SCHIP1: variants seen among roughly 807,000 people sequenced by gnomAD.
SCHIP1 encodes schwannomin-interacting protein 1.
Under a neutral mutation model 29.7 loss-of-function variants are expected in SCHIP1, and 8 were observed. The observed-to-expected ratio is 0.27, with a 90% CI of 0.16 to 0.49. The LOEUF is 0.49. SCHIP1 is among the 20% of genes least tolerant of loss of function. The pLI is 0.99. For missense variants in SCHIP1, 193 were observed against 294.6 expected (o/e 0.66, Z 2.52); for synonymous variants, 76 against 94.9 (o/e 0.80, Z 1.16).
chr3:159,720,590 T>C, the SCHIP1 span, among the ~76,000 whole-genome samples: 1 of 152,082 alleles, frequency 6.6e-6, no homozygotes. Flanking sequence ...TTTTTTTTCT[T>C]TTTTCTCTTT....
At chr3:159,789,858 A>T in the SCHIP1 span, among the ~76,000 whole-genome samples, 5 of 152,214 alleles carry the variant, frequency 3.3e-5, no homozygotes, top group Admixed American at 6.5e-5. Context: ...TATGATAAGC[A>T]CTAAAACTAC....
At chr3:159,860,413 TA>T (rs1244742767) in intron 1 of SCHIP1, among the ~76,000 whole-genome samples, 1 of 152,176 alleles carries the variant, frequency 6.6e-6, no homozygotes, top group African/African-American at 2.4e-5. Flanking sequence ...GTCTTTGATT[TA>T]GAACATGCAT....
At chr3:159,357,945 A>G in the SCHIP1 span, among the ~76,000 whole-genome samples, 7 of 152,244 alleles carry the variant, frequency 4.6e-5, no homozygotes, top group Non-Finnish European at 8.8e-5. Context: ...GCTAAAGAAC[A>G]GCTGATTCTG....
At chr3:159,857,016 C>T (rs1050743181) in intron 1 of SCHIP1, among the ~76,000 whole-genome samples, 8 of 152,130 alleles carry the variant, frequency 5.3e-5, no homozygotes, top group Non-Finnish European at 7.3e-5. Context: ...GTTAAGTTAC[C>T]GAAGCCTGGG....
the SCHIP1 span, among the ~76,000 whole-genome samples, chr3:159,580,129 C>A: frequency 2.6e-5 from 4 of 152,132 alleles, no homozygotes; most frequent in Non-Finnish European, 4.4e-5. Flanking sequence ...ATATACCACC[C>A]TTGCAGAAAA....
the SCHIP1 span, among the ~76,000 whole-genome samples, chr3:159,655,734 A>G: frequency 1.3e-5 from 2 of 152,076 alleles, no homozygotes; most frequent in African/African-American, 2.4e-5. Flanking sequence ...CTAAATATAC[A>G]AAAAATTAGC....
chr3:159,798,386 T>C, the SCHIP1 span, among the ~76,000 whole-genome samples: 1 of 152,224 alleles, frequency 6.6e-6, no homozygotes, highest in East Asian at 1.9e-4. Flanking sequence ...GCAATGTGTG[T>C]ACCTGGCTCA....
chr3:159,290,587 T>C, the SCHIP1 span, among the ~76,000 whole-genome samples: 3 of 151,708 alleles, frequency 2.0e-5, no homozygotes, highest in Non-Finnish European at 2.9e-5. Context: ...ATGAATCTAA[T>C]TGTTTGTGCC....
At chr3:159,896,693 T>C (rs748552695) in intron 6 of SCHIP1, 30 bp from the exon 8 acceptor site, 1 of 1,582,708 alleles carries the variant, frequency 6.3e-7, no homozygotes, top group African/African-American at 1.4e-5. Flanking sequence ...CTCTACATGA[T>C]GCTAAATAAT....
the SCHIP1 span, among the ~76,000 whole-genome samples, chr3:159,353,624 T>TA: frequency 1.3e-5 from 2 of 152,154 alleles, no homozygotes; most frequent in Non-Finnish European, 2.9e-5. Context: ...AAATCGGGGC[T>TA]AAAAATACAT....
At chr3:159,570,963 A>G in the SCHIP1 span, among the ~76,000 whole-genome samples, 1 of 152,110 alleles carries the variant, frequency 6.6e-6, no homozygotes, top group Admixed American at 6.5e-5. Context: ...GGTGTGTAGG[A>G]ATGCTAGTGA....
At chr3:159,513,067 A>C in the SCHIP1 span, among the ~76,000 whole-genome samples, 2 of 152,266 alleles carry the variant, frequency 1.3e-5, no homozygotes, top group East Asian at 3.8e-4. Context: ...TTTCAGAATC[A>C]TACAATAAGG....
At chr3:159,670,254 AG>A in the SCHIP1 span, among the ~76,000 whole-genome samples, 1 of 152,226 alleles carries the variant, frequency 6.6e-6, no homozygotes, top group African/African-American at 2.4e-5. Context: ...AAACCCATCA[AG>A]AAGAAATATT....
chr3:159,888,636 G>A, intron 4 of SCHIP1, 184 bp from the exon 6 acceptor site: 1 of 677,626 alleles, frequency 1.5e-6, no homozygotes, highest in Non-Finnish European at 2.2e-6. Flanking sequence ...GATGCCAGTT[G>A]CATATTAGGT....
chr3:159,503,181 C>A, the SCHIP1 span, among the ~76,000 whole-genome samples: 1 of 152,098 alleles, frequency 6.6e-6, no homozygotes, highest in Non-Finnish European at 1.5e-5. Context: ...AGGTGGCTCC[C>A]CCTAGCTTAG....
At chr3:159,679,749 A>G in the SCHIP1 span, among the ~76,000 whole-genome samples, 3 of 151,838 alleles carry the variant, frequency 2.0e-5, no homozygotes. Flanking sequence ...CCGCTGGCGC[A>G]CCTCCTGCTG....
chr3:159,277,200 C>A, the SCHIP1 span, among the ~76,000 whole-genome samples: 5 of 152,104 alleles, frequency 3.3e-5, no homozygotes, highest in Non-Finnish European at 7.4e-5. Context: ...TGCTTTGAAA[C>A]TGATGGAACT....
the SCHIP1 span, among the ~76,000 whole-genome samples, chr3:159,615,447 C>T: frequency 1.3e-5 from 2 of 152,170 alleles, no homozygotes; most frequent in Non-Finnish European, 2.9e-5. Context: ...GAGACTGTTT[C>T]GTTAGAGTGA....
chr3:159,511,538 A>G, the SCHIP1 span, among the ~76,000 whole-genome samples: 1 of 152,182 alleles, frequency 6.6e-6, no homozygotes, highest in Non-Finnish European at 1.5e-5. Context: ...AAATGCAGAA[A>G]TCACCCATCT....
Sources: gnomAD v4.1 joint callset for allele counts (sites outside exome capture counted in the v4.1 genomes callset) on GRCh38, gnomAD v4.1.1 for gene constraint, MANE v1.5 for transcripts, NCBI Gene and HGNC (gene_info 2026-07-23, HGNC 2026-07-21) for gene names.